SUSD1: variants seen among roughly 807,000 people sequenced by gnomAD.
SUSD1 encodes the protein sushi domain containing 1.
SUSD1 carries 65 observed loss-of-function variants against 86.9 expected under a neutral mutation model. The ratio of observed to expected loss-of-function variants is 0.75; its 90% confidence interval spans 0.61 to 0.92. The LOEUF (loss-of-function observed/expected upper bound fraction) is 0.92, where lower values mean the gene tolerates loss of function less well. Ranked by LOEUF, SUSD1 falls within the 40% of genes least tolerant of loss-of-function variation. The pLI, the probability that SUSD1 is intolerant of heterozygous loss-of-function variation, is 0.00. For synonymous variants in SUSD1, 346 were observed against 350.0 expected (o/e 0.99, Z 0.13); for missense variants, 850 against 929.7 (o/e 0.91, Z 1.11).
chr9:112,143,884 A>G (rs1832693572), intron 3 of SUSD1, among the ~76,000 whole-genome samples: 1 of 152,152 alleles, frequency 6.6e-6, no homozygotes, highest in African/African-American at 2.4e-5. Flanking sequence ...AAAGCTGATA[A>G]CCATCACCGG....
intron 10 of SUSD1, among the ~76,000 whole-genome samples, chr9:112,081,824 A>G (rs1182523347): frequency 2.6e-5 from 4 of 152,220 alleles, no homozygotes; most frequent in Non-Finnish European, 5.9e-5. Context: ...GAATACAGAG[A>G]GTATCATTAT....
chr9:112,167,648 T>C (rs867566283), intron 1 of SUSD1, among the ~76,000 whole-genome samples: 5 of 152,236 alleles, frequency 3.3e-5, no homozygotes. Context: ...TTACTAGCTA[T>C]GTAATCCTTG....
chr9:112,147,975 G>A (rs919443078), intron 3 of SUSD1, among the ~76,000 whole-genome samples: 1 of 152,168 alleles, frequency 6.6e-6, no homozygotes, highest in Non-Finnish European at 1.5e-5. Flanking sequence ...CTGAAGGAAT[G>A]TGTTCATTCG....
intron 6 of SUSD1, among the ~76,000 whole-genome samples, chr9:112,115,052 T>A (rs1432092679): frequency 6.6e-6 from 1 of 152,186 alleles, no homozygotes; most frequent in East Asian, 1.9e-4. Context: ...GGCTCCCATC[T>A]AAGAAGAGTG....
chr9:112,071,593 A>C (rs545038927), intron 12 of SUSD1, among the ~76,000 whole-genome samples: 2 of 152,208 alleles, frequency 1.3e-5, no homozygotes, highest in Non-Finnish European at 2.9e-5. Context: ...ATAAGTACAA[A>C]TGTGTTAAAA....
intron 5 of SUSD1, among the ~76,000 whole-genome samples, chr9:112,127,713 T>C (rs891199161): frequency 1.3e-5 from 2 of 152,196 alleles, no homozygotes; most frequent in Non-Finnish European, 2.9e-5. Flanking sequence ...ATAACAATAA[T>C]AATAAGTCAA....
chr9:112,165,638 G>A (rs1022439780), intron 1 of SUSD1, among the ~76,000 whole-genome samples: 15 of 151,604 alleles, frequency 9.9e-5, no homozygotes, highest in Non-Finnish European at 1.5e-4. Context: ...TTGAACTCCT[G>A]ACCTCAAGCA....
chr9:112,140,991 T>TA (rs1009487369), intron 5 of SUSD1, among the ~76,000 whole-genome samples: 7 of 152,076 alleles, frequency 4.6e-5, no homozygotes, highest in African/African-American at 1.2e-4. Context: ...GAATAAAAGA[T>TA]AAAAAAATGA....
chr9:112,063,410 T>C (rs1828821344), intron 12 of SUSD1, among the ~76,000 whole-genome samples: 1 of 152,224 alleles, frequency 6.6e-6, no homozygotes, highest in African/African-American at 2.4e-5. Flanking sequence ...CAATAAACTG[T>C]GTGCTTCAAG....
intron 1 of SUSD1, among the ~76,000 whole-genome samples, chr9:112,159,007 T>TG (rs1274430021): frequency 1.3e-5 from 2 of 151,650 alleles, no homozygotes; most frequent in African/African-American, 4.9e-5. Flanking sequence ...CATTTTTTTT[T>TG]TTCCAAAGAA....
At chr9:112,051,426 TTTTTTTTGTTG>T (rs1828198700) in intron 15 of SUSD1, among the ~76,000 whole-genome samples, 2 of 125,566 alleles carry the variant, frequency 1.6e-5, no homozygotes, top group Non-Finnish European at 3.5e-5. Flanking sequence ...TTTTTTTTTT[TTTTTTTTGTTG>T]TTGTTGTTGT....
chr9:112,088,587 G>A (rs898235398), intron 10 of SUSD1, among the ~76,000 whole-genome samples: 13 of 152,088 alleles, frequency 8.5e-5, no homozygotes, highest in Non-Finnish European at 1.8e-4. Flanking sequence ...AGGAGTTCAG[G>A]ACTAGCCTGG....
intron 5 of SUSD1, among the ~76,000 whole-genome samples, chr9:112,140,052 C>A (rs1832489416): frequency 6.7e-6 from 1 of 148,260 alleles, no homozygotes; most frequent in Non-Finnish European, 1.5e-5. Context: ...ATGGCGAAAC[C>A]CCATCTCTAT....
chr9:112,049,363 T>C (rs1589573185), intron 15 of SUSD1, among the ~76,000 whole-genome samples: 1 of 152,222 alleles, frequency 6.6e-6, no homozygotes, highest in Non-Finnish European at 1.5e-5. Flanking sequence ...CATAATACTC[T>C]GTGGCTGGAA....
chr9:112,166,757 C>T (rs1398161129), intron 1 of SUSD1, among the ~76,000 whole-genome samples: 1 of 152,136 alleles, frequency 6.6e-6, no homozygotes, highest in African/African-American at 2.4e-5. Flanking sequence ...CGTCAGCATA[C>T]TCAGGGCCTG....
chr9:112,104,989 T>C (rs1018768020), intron 8 of SUSD1: 2 of 151,958 alleles, frequency 1.3e-5, no homozygotes, highest in Non-Finnish European at 2.9e-5. Flanking sequence ...TACGGTTCAA[T>C]AAAAATTTTA....
At chr9:112,067,457 G>A (rs1829037233) in intron 12 of SUSD1, among the ~76,000 whole-genome samples, 1 of 152,220 alleles carries the variant, frequency 6.6e-6, no homozygotes, top group South Asian at 2.1e-4. Context: ...AACCAAAAGA[G>A]CCCTGACTAT....
chr9:112,154,329 C>T (rs2131808872), intron 2 of SUSD1, among the ~76,000 whole-genome samples: 1 of 119,356 alleles, frequency 8.4e-6, no homozygotes, highest in South Asian at 2.5e-4. Flanking sequence ...CCTCCACACA[C>T]ACACACAAAA....
At chr9:112,100,613 C>T (rs1281599705) in intron 9 of SUSD1, among the ~76,000 whole-genome samples, 1 of 152,060 alleles carries the variant, frequency 6.6e-6, no homozygotes, top group African/African-American at 2.4e-5. Flanking sequence ...AGCTGGATCA[C>T]CTGAGGTCAG....
Sources: allele counts gnomAD v4.1 joint callset (sites outside exome capture counted in the v4.1 genomes callset), GRCh38; gene constraint gnomAD v4.1.1; transcripts MANE v1.5; gene names NCBI Gene and HGNC (gene_info 2026-07-23, HGNC 2026-07-21).